CHRM3: variants seen among roughly 807,000 people sequenced by gnomAD.
The protein encoded by CHRM3 is cholinergic receptor muscarinic 3.
CHRM3 carries 11 observed loss-of-function variants against 41.8 expected under a neutral mutation model. That is an observed-to-expected ratio of 0.26 (90% CI 0.17 to 0.44). CHRM3 has a LOEUF of 0.44. CHRM3 is among the 20% of genes least tolerant of loss of function. The probability of loss-of-function intolerance (pLI) is 1.00; values close to 1 mark genes in which losing one functional copy is unlikely to be tolerated. For missense variants in CHRM3, 571 were observed against 745.4 expected (o/e 0.77, Z 2.72); for synonymous variants, 297 against 301.4 (o/e 0.99, Z 0.15).
chr1:239,472,684 A>G (rs2147948712), intron 1 of CHRM3, among the ~76,000 whole-genome samples: 1 of 150,958 alleles, frequency 6.6e-6, no homozygotes, highest in East Asian at 2.0e-4. Flanking sequence ...ATGAGAACAC[A>G]TAGACACAGG....
At chr1:239,850,439 G>A (rs1223492383) in intron 6 of CHRM3, among the ~76,000 whole-genome samples, 1 of 152,088 alleles carries the variant, frequency 6.6e-6, no homozygotes, top group African/African-American at 2.4e-5. Context: ...CACACTCGGT[G>A]TAATTTTCAT....
chr1:239,482,947 G>C (rs918276793), intron 1 of CHRM3, among the ~76,000 whole-genome samples: 5 of 152,058 alleles, frequency 3.3e-5, no homozygotes, highest in African/African-American at 1.2e-4. Context: ...AAAGCATTTT[G>C]CTCTCCCTCC....
intron 6 of CHRM3, among the ~76,000 whole-genome samples, chr1:239,846,627 G>A (rs1421706274): frequency 3.3e-5 from 5 of 152,068 alleles, no homozygotes; most frequent in African/African-American, 7.2e-5. Context: ...ATAAATCAGC[G>A]TTTCCCGAAG....
At chr1:239,721,364 C>T (rs747495172) in intron 5 of CHRM3, among the ~76,000 whole-genome samples, 9 of 151,776 alleles carry the variant, frequency 5.9e-5, no homozygotes, top group Non-Finnish European at 1.2e-4. Flanking sequence ...ATGAGAATCC[C>T]GGTACTTCAG....
intron 6 of CHRM3, among the ~76,000 whole-genome samples, chr1:239,849,970 C>G (rs1211202115): frequency 6.6e-6 from 1 of 152,048 alleles, no homozygotes; most frequent in Non-Finnish European, 1.5e-5. Flanking sequence ...ATGGAACATC[C>G]TTTTAATTTA....
At chr1:239,875,135 G>C (rs1677011563) in intron 6 of CHRM3, among the ~76,000 whole-genome samples, 1 of 152,200 alleles carries the variant, frequency 6.6e-6, no homozygotes, top group Non-Finnish European at 1.5e-5. Flanking sequence ...ATTAACGCCA[G>C]CTTTATTTAA....
At chr1:239,631,208 G>C (rs989009971) in intron 3 of CHRM3, among the ~76,000 whole-genome samples, 1 of 152,132 alleles carries the variant, frequency 6.6e-6, no homozygotes, top group Non-Finnish European at 1.5e-5. Flanking sequence ...ATTTTAAATT[G>C]TTAATTACAT....
At chr1:239,722,901 A>C (rs901411418) in intron 5 of CHRM3, among the ~76,000 whole-genome samples, 1 of 151,932 alleles carries the variant, frequency 6.6e-6, no homozygotes, top group African/African-American at 2.4e-5. Flanking sequence ...GAATATAAAA[A>C]ATCAAAAGAG....
intron 1 of CHRM3, among the ~76,000 whole-genome samples, chr1:239,482,790 A>C (rs1666942304): frequency 6.6e-6 from 1 of 152,252 alleles, no homozygotes; most frequent in South Asian, 2.1e-4. Context: ...AGTGGCTAGA[A>C]ATTAGTAGAC....
At chr1:239,404,679 A>T (rs1660426933) in intron 1 of CHRM3, among the ~76,000 whole-genome samples, 1 of 144,178 alleles carries the variant, frequency 6.9e-6, no homozygotes. Flanking sequence ...TGGAAAATTA[A>T]GTTGAAACCG....
rs918934023 is a variant in CHRM3 at position 239,909,534 on chromosome 1, G to C, written c.*310G>C. 1.2e-5 allele frequency: 3 copies of C among 256,886 alleles called. No homozygotes were observed. Among genetic ancestry groups the C allele is most frequent in the Non-Finnish European group, 2.4e-5 (3 of 125,724 alleles). The allele number at this position is 256,886 out of a possible 1,614,324, so 15.9% of individuals were successfully genotyped here. ...TTGACGGCAATTATATACCCAAAGTGATTTGCCTGGGTCCTTTAATTCCCA... is the reference window on the plus strand; with the variant it reads ...TTGACGGCAATTATATACCCAAAGTCATTTGCCTGGGTCCTTTAATTCCCA... On this transcript the variant is annotated 3_prime_UTR_variant, in exon 7 of 7. Transcript: ENST00000676153.
chr1:239,779,425 T>C (rs1410062062), intron 5 of CHRM3, among the ~76,000 whole-genome samples: 1 of 152,266 alleles, frequency 6.6e-6, no homozygotes, highest in Non-Finnish European at 1.5e-5. Flanking sequence ...TCCACCATTA[T>C]AGTATCATAC....
In CHRM3 at chr1:239,582,875, A is replaced by G. The variant is rs189993966; in HGVS notation, c.-313+37126A>G. On this transcript the variant is annotated intron_variant, in intron 3 of 6. Transcript: ENST00000676153. ...TCTTTCATTAGGATAAAATCCACAG[A>G]CTTTAATTTGATTTATGAGACACTC... is the stretch of plus-strand genomic sequence containing the variant. Among the ~76,000 whole-genome samples the G allele has an allele frequency of 5.5e-3, 843 of 152,218 alleles. 5 individuals are homozygous for G. Among genetic ancestry groups the G allele is most frequent in the African/African-American group, 0.016 (661 of 41,534 alleles).
Position 239,673,503 on chromosome 1 carries a change from G to C in CHRM3, c.-249-4683G>C, listed in dbSNP as rs570763536. Among the ~76,000 whole-genome samples the C allele has an allele frequency of 2.0e-5, 3 of 152,122 alleles. No homozygotes were observed. In the East Asian group the frequency reaches 5.8e-4, roughly 29 times the overall value. On this transcript the variant is annotated intron_variant, in intron 4 of 6. Coordinates refer to ENST00000676153, the MANE Select transcript of CHRM3 (RefSeq NM_001375978.1). ...TATATGCTGGAAACTATTTAACCAT[G>C]CAAACACATATATCAGCTATGTTTG...
intron 3 of CHRM3, among the ~76,000 whole-genome samples, chr1:239,614,560 T>C (rs1382955146): frequency 6.6e-6 from 1 of 152,198 alleles, no homozygotes; most frequent in Non-Finnish European, 1.5e-5. Flanking sequence ...ATGATGTGGA[T>C]AATGGTTGTC....
chr1:239,727,886 T>A (rs1663594864), intron 5 of CHRM3: 1 of 151,988 alleles, frequency 6.6e-6, no homozygotes, highest in Admixed American at 6.6e-5. Flanking sequence ...ATTTTTTTTC[T>A]GAAATTCTTG....
At chr1:239,881,586 C>A (rs1677641768) in intron 6 of CHRM3, among the ~76,000 whole-genome samples, 1 of 152,152 alleles carries the variant, frequency 6.6e-6, no homozygotes, top group South Asian at 2.1e-4. Flanking sequence ...ACATCCGAAT[C>A]TCCAGATTTT....
chr1:239,448,515 A>G (rs1286399605), intron 1 of CHRM3, among the ~76,000 whole-genome samples: 5 of 152,174 alleles, frequency 3.3e-5, no homozygotes, highest in African/African-American at 7.2e-5. Context: ...ATTTATTATG[A>G]GGTTTGGGGA....
chr1:239,789,154 T>G (rs1176400687), intron 5 of CHRM3, among the ~76,000 whole-genome samples: 1 of 152,098 alleles, frequency 6.6e-6, no homozygotes, highest in Admixed American at 6.6e-5. Flanking sequence ...GAAAAGAGCA[T>G]GTGAGATGTG....
Sources: allele counts gnomAD v4.1 joint callset (sites outside exome capture counted in the v4.1 genomes callset), GRCh38; gene constraint gnomAD v4.1.1; transcripts MANE v1.5; gene names NCBI Gene and HGNC (gene_info 2026-07-23, HGNC 2026-07-21).